Variants in BICC1 observed in about 807,000 individuals in gnomAD.
BICC1 encodes BicC family RNA binding protein 1, also known as protein bicaudal C homolog 1.
Under a neutral mutation model 111.0 loss-of-function variants are expected in BICC1, and 43 were observed. That is an observed-to-expected ratio of 0.39 (90% CI 0.30 to 0.50). BICC1 has a LOEUF of 0.50. Among genes scored for constraint, BICC1 ranks in the 20% least tolerant of loss-of-function variants. BICC1 has a pLI of 0.88. For missense variants in BICC1, 1,091 were observed against 1,203.2 expected (o/e 0.91, Z 1.38); for synonymous variants, 467 against 434.4 (o/e 1.07, Z -0.93).
Position 58,513,187 on chromosome 10 carries a change from A to C in BICC1, c.44A>C (p.Asp15Ala). 1 of 1,590,172 alleles carries C rather than the reference A, an allele frequency of 6.3e-7. No individual in the cohort carries two copies. Among genetic ancestry groups the C allele is most frequent in the Non-Finnish European group, 8.5e-7 (1 of 1,170,094 alleles). ...CCCGGCTACCTGGCGGCGCAGTCGG[A>C]CCCCGGCTCCAACAGCGAGCGCAGC... ...GEPGYLAAQS[D>A]PGSNSERSTD... Residue 15 changes from aspartate to alanine, a missense_variant, in exon 1 of 21, where the codon GAC (aspartate) becomes GCC (alanine). Asp to Ala is a moderately radical substitution (Grantham distance 126). This residue lies in a region of BICC1 where 843 missense variants were observed against 900.8 expected (regional missense o/e 0.94). Coordinates refer to ENST00000373886, the MANE Select transcript of BICC1 (RefSeq NM_001080512.3).
At position 58,692,102 on chromosome 10, in the gene BICC1, C is replaced by T. The variant is rs146263288; in HGVS notation, c.238-9972C>T. Among the ~76,000 whole-genome samples, 781 of 152,020 alleles carry T rather than the reference C, an allele frequency of 5.1e-3. 6 individuals carry two copies. The highest frequency in any genetic ancestry group is 6.9e-3 in the Non-Finnish European group (467 of 67,982). The stretch of plus-strand genomic sequence containing the variant: ...GATACAGTTGTTGGCCACCAGGAGC[C>T]CAGCTTGTTGGTGATATTGTTAAAG... On this transcript the variant is annotated intron_variant, in intron 2 of 20. Transcript: ENST00000373886.
At chr10:58,586,956 C>G (rs1450880613) in intron 1 of BICC1, among the ~76,000 whole-genome samples, 1 of 152,154 alleles carries the variant, frequency 6.6e-6, no homozygotes, top group Non-Finnish European at 1.5e-5. Context: ...ATGGGAGAGA[C>G]ACAGGGATTA....
chr10:58,524,098 T>C (rs1001830545), intron 1 of BICC1, among the ~76,000 whole-genome samples: 11 of 152,184 alleles, frequency 7.2e-5, no homozygotes, highest in African/African-American at 2.7e-4. Context: ...GTAGGAAGAC[T>C]CAATATTGTG....
intron 3 of BICC1, among the ~76,000 whole-genome samples, chr10:58,754,328 A>G (rs1002054126): frequency 6.6e-6 from 1 of 152,210 alleles, no homozygotes; most frequent in African/African-American, 2.4e-5. Context: ...ATTGCAAGTA[A>G]AAGATGTTTT....
chr10:58,583,125 T>A (rs1340327935), intron 1 of BICC1, among the ~76,000 whole-genome samples: 2 of 152,210 alleles, frequency 1.3e-5, no homozygotes, highest in Non-Finnish European at 2.9e-5. Context: ...AAGAAATAGA[T>A]GTCTCCGAGT....
At chr10:58,626,616 C>T (rs757107425) in intron 2 of BICC1, among the ~76,000 whole-genome samples, 9 of 152,124 alleles carry the variant, frequency 5.9e-5, no homozygotes, top group Non-Finnish European at 1.3e-4. Flanking sequence ...TTCATTTGAA[C>T]ACAGGAAGAC....
intron 3 of BICC1, among the ~76,000 whole-genome samples, chr10:58,764,809 A>G (rs1172775173): frequency 6.6e-6 from 1 of 152,158 alleles, no homozygotes; most frequent in Non-Finnish European, 1.5e-5. Context: ...TGAAAATAGA[A>G]AACTAAACCT....
At chr10:58,663,066 C>CT (rs142149688) in intron 2 of BICC1, among the ~76,000 whole-genome samples, 2 of 81,702 alleles carry the variant, frequency 2.4e-5, no homozygotes, top group African/African-American at 9.0e-5. Flanking sequence ...TTTTCTTTTT[C>CT]TTTTTTTTTT....
chr10:58,633,856 G>A (rs905152046), intron 2 of BICC1, among the ~76,000 whole-genome samples: 1 of 152,074 alleles, frequency 6.6e-6, no homozygotes, highest in Non-Finnish European at 1.5e-5. Context: ...TCTGGTATTA[G>A]CATTTAACCA....
chr10:58,534,854 T>G (rs1046967534), intron 1 of BICC1, among the ~76,000 whole-genome samples: 3 of 150,896 alleles, frequency 2.0e-5, no homozygotes, highest in African/African-American at 7.3e-5. Context: ...AATTAGGATA[T>G]CAATGAAAAA....
chr10:58,554,791 T>C (rs1843397347), intron 1 of BICC1, among the ~76,000 whole-genome samples: 1 of 116,530 alleles, frequency 8.6e-6, no homozygotes, highest in Non-Finnish European at 1.9e-5. Context: ...TGACTTACAT[T>C]TGATTTTTTT....
intron 1 of BICC1, among the ~76,000 whole-genome samples, chr10:58,578,533 C>T (rs1012578136): frequency 6.6e-6 from 1 of 152,142 alleles, no homozygotes; most frequent in Non-Finnish European, 1.5e-5. Flanking sequence ...TGAAAATGTT[C>T]CTAAAACAAT....
chr10:58,578,686 A>G (rs1011943465), intron 1 of BICC1, among the ~76,000 whole-genome samples: 2 of 152,170 alleles, frequency 1.3e-5, no homozygotes, highest in African/African-American at 4.8e-5. Context: ...AGGTGGAGGT[A>G]AACAGCTTCT....
chr10:58,814,063 C>A, intron 18 of BICC1, 77 bp downstream of exon 18: 1 of 1,517,156 alleles, frequency 6.6e-7, no homozygotes. Flanking sequence ...GTATCACTGA[C>A]TGTGGCCTCT....
chr10:58,575,100 GT>G (rs1844070798), intron 1 of BICC1, among the ~76,000 whole-genome samples: 1 of 151,710 alleles, frequency 6.6e-6, no homozygotes, highest in African/African-American at 2.4e-5. Flanking sequence ...TGCCATGGTG[GT>G]TTGCTGCACC....
At chr10:58,555,615 G>A (rs1448510974) in intron 1 of BICC1, among the ~76,000 whole-genome samples, 3 of 152,100 alleles carry the variant, frequency 2.0e-5, no homozygotes, top group Non-Finnish European at 2.9e-5. Flanking sequence ...TGCAAAGGAA[G>A]TTTCAGTGAG....
At position 58,588,081 on chromosome 10, in the gene BICC1, C is replaced by G. The variant is rs571710480; in HGVS notation, c.191-32774C>G. 5.3e-5 allele frequency among the ~76,000 whole-genome samples: 8 copies of G among 152,266 alleles called. No individual in the cohort carries two copies. In the South Asian group the frequency reaches 1.7e-3, roughly 32 times the overall value. ...ACAAAGTGGTTCATGTACAGAAATGCTTTTCCATTGTGATTGACACCAAAA... is the reference window on the plus strand; with the variant it reads ...ACAAAGTGGTTCATGTACAGAAATGGTTTTCCATTGTGATTGACACCAAAA... On this transcript the variant is annotated intron_variant, in intron 1 of 20. Transcript: ENST00000373886.
At chr10:58,592,818 A>T (rs1311055771) in intron 1 of BICC1, among the ~76,000 whole-genome samples, 1 of 139,622 alleles carries the variant, frequency 7.2e-6, no homozygotes, top group African/African-American at 2.7e-5. Flanking sequence ...TGGAGGTTGC[A>T]GTGAGCCGAG....
intron 20 of BICC1, chr10:58,824,146 G>T: frequency 1.0e-6 from 1 of 963,404 alleles, no homozygotes; most frequent in Non-Finnish European, 1.2e-6. Context: ...GCCTTGGTTG[G>T]TCTTCTCTGT....
Sources: gnomAD v4.1 joint callset for allele counts (sites outside exome capture counted in the v4.1 genomes callset) on GRCh38, gnomAD v4.1.1 for gene constraint, gnomAD v4.1.1 regional missense constraint, MANE v1.5 for transcripts, NCBI Gene and HGNC (gene_info 2026-07-23, HGNC 2026-07-21) for gene names.